Variants in GATAD2B observed in about 807,000 individuals in gnomAD.
GATAD2B encodes the protein GATA zinc finger domain containing 2B, also known as transcriptional repressor p66-beta.
GATAD2B carries 8 observed loss-of-function variants against 64.3 expected under a neutral mutation model. The observed-to-expected ratio is 0.12, with a 90% CI of 0.07 to 0.22. GATAD2B has a LOEUF of 0.22. Ranked by LOEUF, GATAD2B falls within the 10% of genes least tolerant of loss-of-function variation. The probability of loss-of-function intolerance (pLI) is 1.00; values close to 1 mark genes in which losing one functional copy is unlikely to be tolerated. For synonymous variants in GATAD2B, 281 were observed against 271.3 expected, an observed-to-expected ratio of 1.04 and a Z score of -0.35; for missense variants, 453 against 752.0, an observed-to-expected ratio of 0.60 and a Z score of 4.65.
chr1:153,912,696 A>T (rs1678141742), intron 1 of GATAD2B, among the ~76,000 whole-genome samples: 1 of 152,210 alleles, frequency 6.6e-6, no homozygotes, highest in Non-Finnish European at 1.5e-5. Flanking sequence ...CCTATTGAGC[A>T]AATTTTTTCA....
intron 1 of GATAD2B, among the ~76,000 whole-genome samples, chr1:153,882,313 A>T (rs1415988144): frequency 6.6e-6 from 1 of 152,176 alleles, no homozygotes; most frequent in Admixed American, 6.6e-5. Flanking sequence ...ACCCCAAATT[A>T]TAACAAAATG....
In GATAD2B at chr1:153,909,186, G is replaced by A. The variant is rs569509062; in HGVS notation, c.-2+13547C>T. Among the ~76,000 whole-genome samples, 26 of 152,136 alleles carry A rather than the reference G, an allele frequency of 1.7e-4. No homozygotes were observed. In the South Asian group the frequency reaches 5.0e-3, roughly 29 times the overall value. On this transcript the variant is annotated intron_variant, in intron 1 of 10. Coordinates refer to ENST00000368655, the MANE Select transcript of GATAD2B (RefSeq NM_020699.4). ...CACAACTGCATTCCAGCCTGGGCAA[G>A]AGAGCAAAATCTTGTCTCATTAAAA...
intron 1 of GATAD2B, among the ~76,000 whole-genome samples, chr1:153,860,199 G>A (rs1436956045): frequency 1.3e-5 from 2 of 151,742 alleles, no homozygotes; most frequent in African/African-American, 4.8e-5. Context: ...ACAGGTGTGA[G>A]CCACTTGCAC....
chr1:153,862,105 C>T (rs1307005774), intron 1 of GATAD2B, among the ~76,000 whole-genome samples: 1 of 141,020 alleles, frequency 7.1e-6, no homozygotes, highest in African/African-American at 2.6e-5. Context: ...ACGTATTTTA[C>T]ATACATTATA....
intron 1 of GATAD2B, among the ~76,000 whole-genome samples, chr1:153,910,314 C>T (rs921217462): frequency 2.6e-5 from 4 of 152,116 alleles, no homozygotes; most frequent in African/African-American, 9.7e-5. Flanking sequence ...TAAAATTTTT[C>T]GACTTTACGA....
chr1:153,844,757 T>A (rs1248194292), intron 1 of GATAD2B, among the ~76,000 whole-genome samples: 1 of 92,766 alleles, frequency 1.1e-5, no homozygotes, highest in African/African-American at 4.1e-5. Flanking sequence ...CTCTGGGGAC[T>A]GTGGTGGGGT....
At chr1:153,815,432 A>C (rs1231627616) in intron 7 of GATAD2B, among the ~76,000 whole-genome samples, 2 of 145,348 alleles carry the variant, frequency 1.4e-5, no homozygotes, top group Non-Finnish European at 3.0e-5. Flanking sequence ...GATTTAAGTG[A>C]AACAACATAC....
Position 153,811,901 on chromosome 1 carries a change from C to A in GATAD2B, c.1531-53G>T, listed in dbSNP as rs1479582099. ...AACTTTGATATGATAGAATGTTAAG[C>A]GGGGGCAAAGATAAGGGAGTACAGA... On this transcript the variant is annotated intron_variant, in intron 9 of 10. Coordinates refer to ENST00000368655, the MANE Select transcript of GATAD2B (RefSeq NM_020699.4). 4 of 1,364,076 alleles carry A rather than the reference C, an allele frequency of 2.9e-6. No individual in the cohort carries two copies. In the East Asian group the frequency reaches 9.2e-5, roughly 31 times the overall value. The allele number at this position is 1,364,076 out of a possible 1,614,324, so 84.5% of individuals were successfully genotyped here. A position where few individuals can be genotyped will look rare whatever the true frequency, so the allele number is the denominator to read the frequency against.
chr1:153,871,398 T>C (rs1207147297), intron 1 of GATAD2B, among the ~76,000 whole-genome samples: 2 of 151,792 alleles, frequency 1.3e-5, no homozygotes, highest in African/African-American at 2.4e-5. Flanking sequence ...AGAGATGGGG[T>C]TTGCCATGTT....
chr1:153,812,190 C>CGT, intron 8 of GATAD2B, 58 bp from the exon 9 acceptor site: 1 of 610,910 alleles, frequency 1.6e-6, no homozygotes, highest in Non-Finnish European at 2.8e-6. Flanking sequence ...ACCCAATTTC[C>CGT]TTTTTTTTTT....
intron 1 of GATAD2B, among the ~76,000 whole-genome samples, chr1:153,861,781 C>CAAAAAAAAAAAAAAAAAAAAA (rs869141712): frequency 4.7e-5 from 4 of 85,716 alleles, no homozygotes; most frequent in East Asian, 2.4e-4. Context: ...GACTCCATTT[C>CAAAAAAAAAAAAAAAAAAAAA]AAAAAAAAAA....
chr1:153,824,339 G>A (rs1413215843), intron 2 of GATAD2B, among the ~76,000 whole-genome samples: 2 of 152,084 alleles, frequency 1.3e-5, no homozygotes, highest in African/African-American at 4.8e-5. Flanking sequence ...TAAAAAAATT[G>A]TTGGGTTTGG....
At chr1:153,852,924 C>G in intron 1 of GATAD2B, 1 of 820,458 alleles carries the variant, frequency 1.2e-6, no homozygotes, top group East Asian at 2.4e-5. Context: ...GCTGCATTAT[C>G]TGACTTCCTA....
chr1:153,881,397 G>A (rs1386275057), intron 1 of GATAD2B, among the ~76,000 whole-genome samples: 1 of 152,192 alleles, frequency 6.6e-6, no homozygotes, highest in Non-Finnish European at 1.5e-5. Flanking sequence ...AAGACAACTA[G>A]AAGCCAGAGA....
chr1:153,835,558 C>T (rs565061496), intron 1 of GATAD2B, among the ~76,000 whole-genome samples: 11 of 152,094 alleles, frequency 7.2e-5, no homozygotes, highest in Non-Finnish European at 1.5e-5. Context: ...GGAGGCAAGA[C>T]ACTCTACCAG....
chr1:153,916,033 A>G (rs937354955), intron 1 of GATAD2B, among the ~76,000 whole-genome samples: 2 of 152,168 alleles, frequency 1.3e-5, no homozygotes, highest in East Asian at 3.9e-4. Flanking sequence ...TAATCCCAGT[A>G]CTTTGGGAGG....
At chr1:153,881,641 G>T (rs1677013418) in intron 1 of GATAD2B, among the ~76,000 whole-genome samples, 1 of 152,162 alleles carries the variant, frequency 6.6e-6, no homozygotes, top group African/African-American at 2.4e-5. Context: ...TAAGGATTGG[G>T]GAGGGCAAGA....
chr1:153,893,922 C>T (rs938416949), intron 1 of GATAD2B, among the ~76,000 whole-genome samples: 1 of 128,914 alleles, frequency 7.8e-6, no homozygotes, highest in African/African-American at 2.9e-5. Flanking sequence ...CGCACCACTG[C>T]ACTTGGCCTG....
intron 3 of GATAD2B, 65 bp downstream of exon 3, chr1:153,819,541 T>C (rs1674600262): frequency 8.7e-7 from 1 of 1,152,582 alleles, no homozygotes; most frequent in Admixed American, 2.3e-5. Flanking sequence ...GAACTAAATC[T>C]CTTGAGGAAT....
Sources: allele counts gnomAD v4.1 joint callset (sites outside exome capture counted in the v4.1 genomes callset), GRCh38; gene constraint gnomAD v4.1.1; transcripts MANE v1.5; gene names NCBI Gene and HGNC (gene_info 2026-07-23, HGNC 2026-07-21).